Variants in RBFOX3 observed in about 807,000 individuals in gnomAD.
RBFOX3 encodes the protein RNA binding protein fox-1 homolog 3.
Under a neutral mutation model 48.7 loss-of-function variants are expected in RBFOX3, and 17 were observed. The ratio of observed to expected loss-of-function variants is 0.35; its 90% confidence interval spans 0.24 to 0.52. The LOEUF (loss-of-function observed/expected upper bound fraction) is 0.52, where lower values mean the gene tolerates loss of function less well. RBFOX3 is among the 20% of genes least tolerant of loss of function. RBFOX3 has a pLI of 0.94. For synonymous variants in RBFOX3, 212 were observed against 209.5 expected (o/e 1.01, Z -0.10); for missense variants, 382 against 497.5 (o/e 0.77, Z 2.21).
chr17:79,094,678 C>A, intron 13 of RBFOX3, 149 bp from the exon 14 acceptor site: 1 of 504,422 alleles, frequency 2.0e-6, no homozygotes, highest in Non-Finnish European at 3.4e-6. Context: ...TCCTGCAAGG[C>A]CTGCAAGGCC....
At chr17:79,091,550 G>A (rs975315961) in intron 14 of RBFOX3, among the ~76,000 whole-genome samples, 2 of 152,206 alleles carry the variant, frequency 1.3e-5, no homozygotes, top group East Asian at 3.9e-4. Flanking sequence ...GGAGTGGCCC[G>A]CAGGCCACAG....
At chr17:79,649,426 C>T in the RBFOX3 span, among the ~76,000 whole-genome samples, 3 of 152,238 alleles carry the variant, frequency 2.0e-5, no homozygotes, top group Admixed American at 6.5e-5. Flanking sequence ...AAATACTTGG[C>T]CAGGTGTAGT....
chr17:79,477,103 G>C lies in RBFOX3; in HGVS notation c.-175+5351C>G, dbSNP rs773035501. Among the ~76,000 whole-genome samples, 9 of 151,024 alleles carry C rather than the reference G, an allele frequency of 6.0e-5. No homozygotes were observed. Among genetic ancestry groups the C allele is most frequent in the Admixed American group, 2.6e-4 (4 of 15,184 alleles). ...CAAAAATTAGCCAGGCGTGGTGGTGGGCGCCTGTAATCCCAGTTACTCGGG... is the reference window on the plus strand; with the variant it reads ...CAAAAATTAGCCAGGCGTGGTGGTGCGCGCCTGTAATCCCAGTTACTCGGG... On this transcript the variant is annotated intron_variant, in intron 2 of 14. Coordinates refer to ENST00000693108, the MANE Select transcript of RBFOX3 (RefSeq NM_001350451.2). This position sits in a 1 kb window ranked among gnomAD's most constrained non-coding sequence, Gnocchi z 4.8.
At chr17:79,341,050 A>G (rs754598190) in intron 2 of RBFOX3, among the ~76,000 whole-genome samples, 1 of 152,258 alleles carries the variant, frequency 6.6e-6, no homozygotes, top group Admixed American at 6.5e-5. Context: ...TCCCCAAAAC[A>G]GTCATCTGAA....
intron 3 of RBFOX3, among the ~76,000 whole-genome samples, chr17:79,255,472 T>C (rs573404811): frequency 3.4e-4 from 52 of 152,240 alleles, no homozygotes; most frequent in African/African-American, 1.2e-3. Flanking sequence ...CCCCCATCTG[T>C]GCTCAGGAAC....
At chr17:79,494,445 C>T (rs2081154700) in intron 1 of RBFOX3, among the ~76,000 whole-genome samples, 1 of 152,248 alleles carries the variant, frequency 6.6e-6, no homozygotes, top group African/African-American at 2.4e-5. Flanking sequence ...CACAGGCTGG[C>T]ACCCCCTCTT....
At chr17:79,472,045 C>T (rs1179946283) in intron 2 of RBFOX3, among the ~76,000 whole-genome samples, 1 of 152,198 alleles carries the variant, frequency 6.6e-6, no homozygotes, top group Non-Finnish European at 1.5e-5. Context: ...AGAGGCAGCT[C>T]CATGCACAGA....
At chr17:79,539,780 C>A (rs2150156979) in intron 1 of RBFOX3, among the ~76,000 whole-genome samples, 1 of 152,298 alleles carries the variant, frequency 6.6e-6, no homozygotes, top group South Asian at 2.1e-4. Context: ...AACGTCATTT[C>A]AAAGTAAAGC....
At chr17:79,609,507 G>A (rs1318958423) in intron 1 of RBFOX3, among the ~76,000 whole-genome samples, 8 of 152,200 alleles carry the variant, frequency 5.3e-5, no homozygotes, top group African/African-American at 1.9e-4. Context: ...GCGGCTCCGC[G>A]GGACTCCTTT....
chr17:79,187,905 G>A (rs529438304), intron 4 of RBFOX3, among the ~76,000 whole-genome samples: 2 of 152,102 alleles, frequency 1.3e-5, no homozygotes, highest in East Asian at 1.9e-4. Flanking sequence ...CATGGGGCAA[G>A]GTCAGCTTGG....
intron 4 of RBFOX3, among the ~76,000 whole-genome samples, chr17:79,127,765 A>G (rs1428366688): frequency 6.6e-6 from 1 of 152,160 alleles, no homozygotes; most frequent in East Asian, 1.9e-4. Context: ...AGTTATCTGG[A>G]TATCTCCGAG....
intron 1 of RBFOX3, among the ~76,000 whole-genome samples, chr17:79,521,472 A>G (rs924249721): frequency 6.6e-6 from 1 of 152,094 alleles, no homozygotes; most frequent in Non-Finnish European, 1.5e-5. Flanking sequence ...AGATACACAC[A>G]TTCAGACACA....
intron 2 of RBFOX3, among the ~76,000 whole-genome samples, chr17:79,467,195 T>A (rs1598823905): frequency 6.6e-6 from 1 of 150,902 alleles, no homozygotes; most frequent in Non-Finnish European, 1.5e-5. Context: ...AGACGGGGGG[T>A]CCTAGGGTCT....
intron 4 of RBFOX3, among the ~76,000 whole-genome samples, chr17:79,207,233 A>C (rs1015241061): frequency 6.6e-6 from 1 of 152,254 alleles, no homozygotes; most frequent in Non-Finnish European, 1.5e-5. Flanking sequence ...CCATGGTCTA[A>C]TGAGCTTATT....
rs770252606 is a variant in RBFOX3 at position 79,109,612 on chromosome 17, AC to A, written c.223-2825del. Among the ~76,000 whole-genome samples, 204 of 152,176 alleles carry A rather than the reference AC, an allele frequency of 1.3e-3. 1 individual carries two copies. Among genetic ancestry groups the A allele is most frequent in the Non-Finnish European group, 2.2e-3 (147 of 68,004 alleles). On this transcript the variant is annotated intron_variant, in intron 5 of 14. Coordinates refer to ENST00000693108, the MANE Select transcript of RBFOX3 (RefSeq NM_001350451.2). ...TCCACCGATCTTTATGGAGGTCTGA[AC>A]CCCACCCTCCCATTGGACAGGCGTG...
intron 2 of RBFOX3, among the ~76,000 whole-genome samples, chr17:79,415,234 AAGCCC>A (rs2148652877): frequency 6.6e-6 from 1 of 152,316 alleles, no homozygotes; most frequent in Admixed American, 6.5e-5. Context: ...GTATTCGTTT[AAGCCC>A]AGATGAGTTC....
chr17:79,312,256 AG>A (rs769778232), intron 2 of RBFOX3, among the ~76,000 whole-genome samples: 1 of 146,786 alleles, frequency 6.8e-6, no homozygotes, highest in Non-Finnish European at 1.5e-5. Flanking sequence ...GGGAGCAGGC[AG>A]GGGAGAGACA....
At chr17:79,486,817 C>T (rs935868126) in intron 1 of RBFOX3, among the ~76,000 whole-genome samples, 141 of 152,234 alleles carry the variant, frequency 9.3e-4, no homozygotes, top group African/African-American at 3.2e-3. Context: ...CTCCTGTGCC[C>T]GCATCTGCAG....
chr17:79,428,738 C>T (rs2067862208), intron 2 of RBFOX3, among the ~76,000 whole-genome samples: 1 of 152,226 alleles, frequency 6.6e-6, no homozygotes, highest in Admixed American at 6.5e-5. Flanking sequence ...TGTGACCTCC[C>T]CAGCTCAGGA....
Sources: allele counts gnomAD v4.1 joint callset (sites outside exome capture counted in the v4.1 genomes callset), GRCh38; gene constraint gnomAD v4.1.1; non-coding constraint Gnocchi (gnomAD v3.1); transcripts MANE v1.5; gene names NCBI Gene and HGNC (gene_info 2026-07-23, HGNC 2026-07-21).